Variants in LYSET observed in about 807,000 individuals in gnomAD.
The protein encoded by LYSET is lysosomal enzyme trafficking factor.
At chr14:93,188,021 C>T in the LYSET span, among the ~76,000 whole-genome samples, 1 of 149,732 alleles carries the variant, frequency 6.7e-6, no homozygotes, top group African/African-American at 2.5e-5. Context: ...TGCAGAAGTG[C>T]GATCTCAGCT....
the LYSET span, among the ~76,000 whole-genome samples, chr14:93,187,440 AT>A: frequency 1.0e-4 from 15 of 150,356 alleles, no homozygotes; most frequent in South Asian, 2.1e-4. Flanking sequence ...AATTAAAAAA[AT>A]TTTTTTTTTC....
the LYSET span, among the ~76,000 whole-genome samples, chr14:93,187,969 T>C: frequency 2.0e-5 from 3 of 149,500 alleles, no homozygotes; most frequent in Non-Finnish European, 3.0e-5. Context: ...ATTTATGTTA[T>C]TTATTTTGAG....
chr14:93,185,519 G>A, the LYSET span: 2 of 1,571,054 alleles, frequency 1.3e-6, no homozygotes, highest in South Asian at 1.1e-5. Flanking sequence ...TTAACTTGGG[G>A]GCTTGACTTG....
At chr14:93,187,631 A>G in the LYSET span, among the ~76,000 whole-genome samples, 3 of 152,022 alleles carry the variant, frequency 2.0e-5, no homozygotes, top group Non-Finnish European at 4.4e-5. Context: ...TATTTATTTA[A>G]ATTATTATTA....
the LYSET span, chr14:93,186,647 C>T: frequency 1.0e-5 from 16 of 1,601,940 alleles, no homozygotes; most frequent in African/African-American, 4.0e-5. Flanking sequence ...ATCAGATCAG[C>T]AGACTACAAC....
the LYSET span, chr14:93,185,371 C>T: frequency 6.2e-7 from 1 of 1,606,608 alleles, no homozygotes; most frequent in South Asian, 1.1e-5. Context: ...AGCCGGGTGA[C>T]CCAGGGGATT....
At chr14:93,186,206 G>A in the LYSET span, 4 of 1,504,466 alleles carry the variant, frequency 2.7e-6, no homozygotes, top group Admixed American at 5.7e-5. Flanking sequence ...ATTTGGAGTA[G>A]TTGCCGTGAC....
chr14:93,185,397 T>C, the LYSET span: 1 of 1,611,478 alleles, frequency 6.2e-7, no homozygotes, highest in Non-Finnish European at 8.5e-7. Context: ...TATGTTGGCT[T>C]TCTCTGAAAT....
chr14:93,185,611 A>C, the LYSET span: 2 of 781,572 alleles, frequency 2.6e-6, no homozygotes, highest in Admixed American at 4.6e-5. Flanking sequence ...GCTGTGAGAA[A>C]CTAGTTTAAT....
the LYSET span, chr14:93,185,324 G>A: frequency 4.3e-6 from 6 of 1,380,738 alleles, no homozygotes; most frequent in African/African-American, 1.4e-5. Flanking sequence ...ATCACTAGTA[G>A]CTGGTGCTCC....
chr14:93,185,415 C>A, the LYSET span: 1 of 1,612,788 alleles, frequency 6.2e-7, no homozygotes, highest in East Asian at 2.2e-5. Context: ...AATGCCAAAG[C>A]CACCCGATTA....
At chr14:93,187,642 T>C in the LYSET span, among the ~76,000 whole-genome samples, 1 of 152,160 alleles carries the variant, frequency 6.6e-6, no homozygotes, top group Non-Finnish European at 1.5e-5. Flanking sequence ...ATTATTATTA[T>C]TATTTTTGAG....
At chr14:93,185,536 C>G in the LYSET span, 1 of 1,467,034 alleles carries the variant, frequency 6.8e-7, no homozygotes, top group South Asian at 1.1e-5. Context: ...CTTGTAGCAC[C>G]CCGCGTTCAC....
At chr14:93,185,923 C>A in the LYSET span, among the ~76,000 whole-genome samples, 3 of 148,614 alleles carry the variant, frequency 2.0e-5, no homozygotes, top group African/African-American at 7.5e-5. Flanking sequence ...GGCTGGAGTG[C>A]AGTGGCGTGA....
At chr14:93,187,888 G>C in the LYSET span, among the ~76,000 whole-genome samples, 1 of 150,892 alleles carries the variant, frequency 6.6e-6, no homozygotes, top group South Asian at 2.1e-4. Context: ...ACCTAACTAA[G>C]GTAATCCACT....
the LYSET span, chr14:93,185,178 CA>C: frequency 5.2e-6 from 1 of 193,026 alleles, no homozygotes; most frequent in Non-Finnish European, 1.0e-5. Context: ...TGCAGCGCGG[CA>C]GGGGGCGGGG....
the LYSET span, chr14:93,186,226 A>G: frequency 1.1e-4 from 175 of 1,578,122 alleles, no homozygotes; most frequent in Non-Finnish European, 1.3e-4. Flanking sequence ...CAGCATTACT[A>G]GACCCTAATT....
the LYSET span, chr14:93,186,161 G>A: frequency 1.6e-5 from 20 of 1,256,262 alleles, no homozygotes; most frequent in East Asian, 2.5e-4. Context: ...GAGCCACCGC[G>A]CCCGGCCTAG....
chr14:93,187,402 G>C, the LYSET span, among the ~76,000 whole-genome samples: 2 of 152,142 alleles, frequency 1.3e-5, no homozygotes, highest in South Asian at 4.1e-4. Flanking sequence ...AGGATTACAG[G>C]TGTGAGCTAC....
Sources: allele counts gnomAD v4.1 joint callset (sites outside exome capture counted in the v4.1 genomes callset), GRCh38; gene constraint gnomAD v4.1.1; transcripts MANE v1.5; gene names NCBI Gene and HGNC (gene_info 2026-07-23, HGNC 2026-07-21).